Variants in FHIP1A observed in about 807,000 individuals in gnomAD.
The protein encoded by FHIP1A is FHF complex subunit HOOK-interacting protein 1A.
Under a neutral mutation model 88.6 loss-of-function variants are expected in FHIP1A, and 61 were observed. The observed-to-expected ratio is 0.69, with a 90% CI of 0.56 to 0.85. The LOEUF (loss-of-function observed/expected upper bound fraction) is 0.85. Ranked by LOEUF, FHIP1A falls within the 40% of genes least tolerant of loss-of-function variation. The pLI is 0.00. For missense variants in FHIP1A, 1,154 were observed against 1,273.5 expected (o/e 0.91, Z 1.43); for synonymous variants, 478 against 496.0 (o/e 0.96, Z 0.48).
intron 1 of FHIP1A, among the ~76,000 whole-genome samples, chr4:151,430,108 G>A (rs1008761415): frequency 6.6e-6 from 1 of 152,172 alleles, no homozygotes; most frequent in Non-Finnish European, 1.5e-5. Flanking sequence ...GGGTTTTGCT[G>A]TTTCTGTTAA....
At chr4:151,619,600 A>G (rs1365909747) in intron 7 of FHIP1A, among the ~76,000 whole-genome samples, 1 of 152,236 alleles carries the variant, frequency 6.6e-6, no homozygotes, top group Non-Finnish European at 1.5e-5. Flanking sequence ...ACTTGATGTT[A>G]CATTTCTGCT....
rs769802039 is a variant in FHIP1A, at chr4:151,475,716, G to A, written c.-247-6808G>A. ...AAATAACTTGCTTAACATGTACTTC[G>A]TACATATTAAAAGAATAAAACACTG... On this transcript the variant is annotated intron_variant, in intron 2 of 13. Transcript: ENST00000435205. 1.4e-3 allele frequency among the ~76,000 whole-genome samples: 210 copies of A among 151,984 alleles called. 1 individual carries two copies. The highest frequency in any genetic ancestry group is 3.2e-3 in the Middle Eastern group (1 of 314).
At chr4:151,548,967 A>C (rs1229699030) in intron 3 of FHIP1A, among the ~76,000 whole-genome samples, 1 of 152,180 alleles carries the variant, frequency 6.6e-6, no homozygotes, top group Admixed American at 6.5e-5. Flanking sequence ...TGGACAGGGG[A>C]GGGGCAGGAG....
chr4:151,426,446 T>G (rs938433099), intron 1 of FHIP1A, among the ~76,000 whole-genome samples: 2 of 152,188 alleles, frequency 1.3e-5, no homozygotes, highest in Non-Finnish European at 2.9e-5. Flanking sequence ...TCTTTGTGCT[T>G]CTCAAGAAAA....
chr4:151,663,750 A>C lies in FHIP1A; in HGVS notation c.*996A>C, dbSNP rs1737561206. 6.6e-6 allele frequency: 1 copy of C among 152,202 alleles called. No individual in the cohort carries two copies. The highest frequency in any genetic ancestry group is 2.4e-5 in the African/African-American group (1 of 41,450). 9.4% of individuals were successfully genotyped at this position (152,202 alleles called of 1,614,324 possible). On this transcript the variant is annotated 3_prime_UTR_variant, in exon 14 of 14. Coordinates refer to ENST00000435205, the MANE Select transcript of FHIP1A (RefSeq NM_001109977.3). ...ATTTAAAATTCTATTCCCTTTTGCT[A>C]GTAAGCTGCACTTTGTAGAGAAACA... is the stretch of plus-strand genomic sequence containing the variant.
Position 151,588,862 on chromosome 4 carries a change from A to C in FHIP1A, c.914A>C (p.Asn305Thr), listed in dbSNP as rs1011881756. Residue 305 changes from asparagine (N) to threonine (T), a missense_variant, in exon 7 of 14, where the codon AAT becomes ACT. Physicochemically the swap from Asn to Thr is moderately conservative, Grantham distance 65. Coordinates refer to ENST00000435205, the MANE Select transcript of FHIP1A (RefSeq NM_001109977.3). ...VIQVAHPLIR[N>T]QLVNYIYNGF... is the part of the protein sequence containing the mutation. Reference sequence around the variant, plus strand: ...CAGGTGGCTCACCCCTTGATTCGAAATCAGCTTGTCAATTACATTTACAAT... The same window carrying C: ...CAGGTGGCTCACCCCTTGATTCGAACTCAGCTTGTCAATTACATTTACAAT... The C allele has an allele frequency of 9.0e-6, 14 of 1,551,226 alleles. No individual in the cohort carries two copies. The highest frequency in any genetic ancestry group is 8.3e-5 in the South Asian group (7 of 84,064).
At chr4:151,499,853 G>A (rs1037436247) in intron 3 of FHIP1A, among the ~76,000 whole-genome samples, 2 of 152,102 alleles carry the variant, frequency 1.3e-5, no homozygotes, top group Non-Finnish European at 2.9e-5. Flanking sequence ...GAGAGTAACC[G>A]CCTCCCGTGA....
At chr4:151,573,277 C>T (rs1733661541) in intron 4 of FHIP1A, among the ~76,000 whole-genome samples, 1 of 151,818 alleles carries the variant, frequency 6.6e-6, no homozygotes, top group South Asian at 2.1e-4. Context: ...TCCAAACACA[C>T]ACACACACAC....
intron 9 of FHIP1A, among the ~76,000 whole-genome samples, chr4:151,645,028 T>TA (rs1174945802): frequency 6.6e-6 from 1 of 152,230 alleles, no homozygotes; most frequent in Non-Finnish European, 1.5e-5. Flanking sequence ...TCCTCATTGC[T>TA]AAAGTCCCCA....
At chr4:151,528,330 T>C (rs1403911617) in intron 3 of FHIP1A, among the ~76,000 whole-genome samples, 1 of 152,250 alleles carries the variant, frequency 6.6e-6, no homozygotes, top group Non-Finnish European at 1.5e-5. Flanking sequence ...TTTTCTGTTA[T>C]ATGCAAATTT....
intron 4 of FHIP1A, among the ~76,000 whole-genome samples, chr4:151,569,547 G>T (rs1045976828): frequency 5.3e-5 from 8 of 150,572 alleles, no homozygotes; most frequent in Admixed American, 4.6e-4. Context: ...GCAAGACAAT[G>T]TCTTTAAAAA....
At chr4:151,562,176 G>A (rs533652738) in intron 3 of FHIP1A, among the ~76,000 whole-genome samples, 9 of 152,146 alleles carry the variant, frequency 5.9e-5, no homozygotes, top group Non-Finnish European at 1.0e-4. Flanking sequence ...CTTGGACTGA[G>A]CCAACAACTC....
At chr4:151,631,952 A>T (rs758421776) in intron 8 of FHIP1A, among the ~76,000 whole-genome samples, 17 of 152,152 alleles carry the variant, frequency 1.1e-4, no homozygotes, top group Non-Finnish European at 1.8e-4. Context: ...CCACCTCAGT[A>T]ATTATTTTAA....
At chr4:151,555,438 A>G (rs1732910160) in intron 3 of FHIP1A, among the ~76,000 whole-genome samples, 1 of 152,120 alleles carries the variant, frequency 6.6e-6, no homozygotes, top group South Asian at 2.1e-4. Flanking sequence ...CCACTTACAC[A>G]ATAACAAAAA....
chr4:151,610,306 ATAGATT>A (rs1735273943), intron 7 of FHIP1A, among the ~76,000 whole-genome samples: 1 of 152,236 alleles, frequency 6.6e-6, no homozygotes, highest in African/African-American at 2.4e-5. Context: ...TGGGAAAATA[ATAGATT>A]TAGATGACTA....
intron 7 of FHIP1A, among the ~76,000 whole-genome samples, chr4:151,621,230 G>A (rs1735730647): frequency 6.6e-6 from 1 of 152,012 alleles, no homozygotes; most frequent in Non-Finnish European, 1.5e-5. Flanking sequence ...GGTAAAGCAG[G>A]AATCATTCTG....
At chr4:151,549,989 TA>T (rs1326884882) in intron 3 of FHIP1A, among the ~76,000 whole-genome samples, 1 of 152,212 alleles carries the variant, frequency 6.6e-6, no homozygotes, top group Non-Finnish European at 1.5e-5. Context: ...GAAAAATCTT[TA>T]AAAAGGGTTT....
intron 3 of FHIP1A, among the ~76,000 whole-genome samples, chr4:151,505,147 T>C (rs1730788729): frequency 6.6e-6 from 1 of 152,176 alleles, no homozygotes; most frequent in African/African-American, 2.4e-5. Flanking sequence ...TCTTACCCAC[T>C]AGATTGTATC....
At chr4:151,598,010 G>A (rs1734715623) in intron 7 of FHIP1A, among the ~76,000 whole-genome samples, 1 of 152,058 alleles carries the variant, frequency 6.6e-6, no homozygotes, top group African/African-American at 2.4e-5. Flanking sequence ...TGGTTCCCTG[G>A]CTTCAGCCCT....
Sources: gnomAD v4.1 joint callset for allele counts (sites outside exome capture counted in the v4.1 genomes callset) on GRCh38, gnomAD v4.1.1 for gene constraint, MANE v1.5 for transcripts, NCBI Gene and HGNC (gene_info 2026-07-23, HGNC 2026-07-21) for gene names.